The following AASS variants were observed in gnomAD, a reference collection of about 807,000 sequenced individuals.
The protein encoded by AASS is aminoadipate-semialdehyde synthase, also known as alpha-aminoadipic semialdehyde synthase, mitochondrial.
AASS carries 86 observed loss-of-function variants against 105.4 expected under a neutral mutation model. The observed-to-expected ratio is 0.82, with a 90% CI of 0.69 to 0.98. AASS has a LOEUF of 0.98. AASS is among the 50% of genes least tolerant of loss of function. AASS has a pLI of 0.00. For synonymous variants in AASS, 381 were observed against 394.8 expected (o/e 0.96, Z 0.41); for missense variants, 1,048 against 1,143.2 (o/e 0.92, Z 1.20).
At chr7:122,102,234 C>T (rs1315782166) in intron 11 of AASS, among the ~76,000 whole-genome samples, 1 of 151,884 alleles carries the variant, frequency 6.6e-6, no homozygotes, top group Admixed American at 6.6e-5. Context: ...GAAAGTCATT[C>T]ACACCCTCTT....
intron 18 of AASS, among the ~76,000 whole-genome samples, chr7:122,088,571 G>C (rs971347048): frequency 1.3e-5 from 2 of 152,120 alleles, no homozygotes; most frequent in Admixed American, 6.6e-5. Flanking sequence ...CAGCATTCTG[G>C]ATTATGCCAC....
rs377542093 is a variant in AASS at position 122,116,582 on chromosome 7, A to G, written c.894+51T>C. 5.2e-5 allele frequency: 84 copies of G among 1,610,858 alleles called. 1 individual carries two copies. The highest frequency in any genetic ancestry group is 6.6e-5 in the Non-Finnish European group (78 of 1,177,892). On this transcript the variant is annotated intron_variant, in intron 8 of 23. Transcript: ENST00000417368. ...TAATTTCTCTCCTTGAAAATAGCCT[A>G]CCTACACTGTATCATAAGCAACCAA...
At chr7:122,082,607 G>T (rs1793402687) in intron 19 of AASS, among the ~76,000 whole-genome samples, 1 of 152,086 alleles carries the variant, frequency 6.6e-6, no homozygotes, top group Non-Finnish European at 1.5e-5. Flanking sequence ...TATTTTATTT[G>T]TGTGCATATT....
At chr7:122,108,664 T>A (rs1434932755) in intron 11 of AASS, among the ~76,000 whole-genome samples, 1 of 151,982 alleles carries the variant, frequency 6.6e-6, no homozygotes, top group African/African-American at 2.4e-5. Flanking sequence ...GCATACAGGG[T>A]ACATACCTCA....
In AASS at chr7:122,073,981, T is replaced by C. The variant is rs1792885906; in HGVS notation, c.*2508A>G. On this transcript the variant is annotated 3_prime_UTR_variant, in exon 24 of 24. Coordinates refer to ENST00000417368, the MANE Select transcript of AASS (RefSeq NM_005763.4). ...CACGTTTTGTTTATTCACTTGTTAG[T>C]TGATAGAAATTAGGGCTGTTTCAAT... Among the ~76,000 whole-genome samples the C allele has an allele frequency of 2.0e-5, 3 of 152,096 alleles. No individual in the cohort carries two copies. The highest frequency in any genetic ancestry group is 2.9e-5 in the Non-Finnish European group (2 of 68,028).
intron 4 of AASS, among the ~76,000 whole-genome samples, chr7:122,123,173 A>G (rs1301793558): frequency 6.6e-6 from 1 of 152,128 alleles, no homozygotes; most frequent in Non-Finnish European, 1.5e-5. Context: ...CAAGACCCCT[A>G]AGCATATTTC....
intron 18 of AASS, among the ~76,000 whole-genome samples, chr7:122,088,163 C>T (rs1793719732): frequency 6.6e-6 from 1 of 152,124 alleles, no homozygotes. Flanking sequence ...TGCTCAGGCT[C>T]ATTATTCACT....
chr7:122,118,358 C>G lies in AASS; in HGVS notation c.636G>C (p.Lys212Asn). Residue 212 changes from lysine to asparagine, a missense_variant, in exon 6 of 24, where the codon AAG becomes AAC. Transcript: ENST00000417368. ...ACACAAATGTTAAGGGTCCTATTGA[C>G]TTAGGCATCAAACCCAAAGATATTT... Reference protein sequence around the residue: ...GYEISLGLMPKSIGPLTFVFT... With the variant: ...GYEISLGLMPNSIGPLTFVFT... The G allele has an allele frequency of 6.2e-7, 1 of 1,614,154 alleles. No individual in the cohort carries two copies. The highest frequency in any genetic ancestry group is 8.5e-7 in the Non-Finnish European group (1 of 1,180,024).
chr7:122,112,525 T>C (rs753107069), intron 11 of AASS, among the ~76,000 whole-genome samples: 29 of 152,166 alleles, frequency 1.9e-4, no homozygotes, highest in Non-Finnish European at 2.5e-4. Flanking sequence ...TATATTGGAA[T>C]CATTGGCAGA....
chr7:122,096,975 C>T (rs1794183204), intron 15 of AASS, among the ~76,000 whole-genome samples: 1 of 152,010 alleles, frequency 6.6e-6, no homozygotes, highest in African/African-American at 2.4e-5. Flanking sequence ...TATTTTGAAT[C>T]AGAATTTCTT....
chr7:122,076,857 A>C (rs1455406696), intron 23 of AASS, among the ~76,000 whole-genome samples: 1 of 152,224 alleles, frequency 6.6e-6, no homozygotes, highest in Non-Finnish European at 1.5e-5. Context: ...TTGTACACTT[A>C]ACTGCATTAA....
At chr7:122,090,444 C>A (rs1171971416) in intron 18 of AASS, among the ~76,000 whole-genome samples, 1 of 152,112 alleles carries the variant, frequency 6.6e-6, no homozygotes, top group Non-Finnish European at 1.5e-5. Context: ...ATGAGTTATG[C>A]TCTATATCAC....
intron 12 of AASS, 22 bp from the exon 13 acceptor site, chr7:122,101,460 C>T (rs371050992): frequency 3.1e-6 from 5 of 1,593,472 alleles, no homozygotes; most frequent in African/African-American, 1.3e-5. Context: ...TGACACAAGA[C>T]ATTTCTTTAG....
In AASS at chr7:122,129,427, T is replaced by C; in HGVS notation, c.321A>G (p.Ala107=). 6.2e-7 allele frequency: 1 copy of C among 1,613,520 alleles called. No individual in the cohort carries two copies. The highest frequency in any genetic ancestry group is 8.5e-7 in the Non-Finnish European group (1 of 1,179,656). ...GAGCTTTTATTGTGTGGGAGAAAAATGCATAAGTCTTCCTGGACATTAATT... is the reference window on the plus strand; with the variant it reads ...GAGCTTTTATTGTGTGGGAGAAAAACGCATAAGTCTTCCTGGACATTAATT... The part of the protein sequence containing the change: ...EEKLMSRKTY[A]FFSHTIKAQE... The change falls in exon 3 of 24, where the codon GCA becomes GCG. Residue 107 remains alanine, a synonymous_variant. Transcript: ENST00000417368.
intron 11 of AASS, among the ~76,000 whole-genome samples, chr7:122,105,708 C>T (rs1328817481): frequency 6.6e-6 from 1 of 151,838 alleles, no homozygotes. Context: ...CTACCAAAAC[C>T]TATGGGATAC....
chr7:122,116,694 A>G lies in AASS; in HGVS notation c.833T>C (p.Val278Ala), dbSNP rs1348049630. 6.2e-7 allele frequency: 1 copy of G among 1,614,156 alleles called. No homozygotes were observed. The highest frequency in any genetic ancestry group is 1.1e-5 in the South Asian group (1 of 91,084). The part of the protein sequence containing the change: ...HHHLVRKTDA[V>A]YDPAEYDKHP... ...TTTGTCATACTCTGCAGGATCATAC[A>G]CAGCATCTGTTTTCCTGACAAGATG... is the stretch of plus-strand genomic sequence containing the variant. The change falls in exon 8 of 24, where the codon GTG (valine) becomes GCG (alanine). Residue 278 changes from valine (V) to alanine (A), a missense_variant. Coordinates refer to ENST00000417368, the MANE Select transcript of AASS (RefSeq NM_005763.4).
At chr7:122,116,851 T>C in intron 7 of AASS, 28 bp downstream of exon 7, 2 of 1,612,750 alleles carry the variant, frequency 1.2e-6, no homozygotes, top group Non-Finnish European at 1.7e-6. Flanking sequence ...TTAAAAACAT[T>C]AAAAGTTAGT....
At chr7:122,081,797 A>C in intron 19 of AASS, 1 of 571,678 alleles carries the variant, frequency 1.7e-6, no homozygotes, top group Non-Finnish European at 3.1e-6. Flanking sequence ...AACCCACCAA[A>C]AAAGTATTGA....
chr7:122,126,564 AC>A (rs1795665736), intron 3 of AASS, 105 bp from the exon 4 acceptor site: 1 of 971,718 alleles, frequency 1.0e-6, no homozygotes, highest in East Asian at 2.4e-5. Context: ...CCTCTGAAAT[AC>A]ACCTTAACTT....
Sources: allele counts gnomAD v4.1 joint callset (sites outside exome capture counted in the v4.1 genomes callset), GRCh38; gene constraint gnomAD v4.1.1; transcripts MANE v1.5; gene names NCBI Gene and HGNC (gene_info 2026-07-23, HGNC 2026-07-21).